Variants in PSMA5 observed in about 807,000 individuals in gnomAD.
PSMA5 encodes proteasome 20S subunit alpha 5, also known as proteasome subunit alpha type-5.
A neutral mutation model predicts 34.5 loss-of-function variants in PSMA5; 3 were observed. The ratio of observed to expected loss-of-function variants is 0.09; its 90% CI spans 0.04 to 0.22. The LOEUF is 0.22. Ranked by LOEUF, PSMA5 falls within the 10% of genes least tolerant of loss-of-function variation. The pLI, the probability that PSMA5 is intolerant of heterozygous loss-of-function variation, is 1.00. For missense variants in PSMA5, 120 were observed against 286.1 expected (o/e 0.42, Z 4.19); for synonymous variants, 88 against 95.8 (o/e 0.92, Z 0.47).
At chr1:109,412,298 GT>G in intron 4 of PSMA5, 114 bp from the exon 5 acceptor site, 1 of 849,704 alleles carries the variant, frequency 1.2e-6, no homozygotes, top group South Asian at 1.5e-5. Context: ...CTCAAATGTG[GT>G]TTTCTTAATT....
intron 6 of PSMA5, 58 bp from the exon 7 acceptor site, chr1:109,411,171 C>A (rs1653974102): frequency 2.5e-6 from 3 of 1,216,038 alleles, no homozygotes; most frequent in Admixed American, 1.9e-5. Context: ...CTTTATGTAA[C>A]AAACGTCTCA....
intron 1 of PSMA5, among the ~76,000 whole-genome samples, chr1:109,423,187 C>T (rs772923123): frequency 1.3e-5 from 2 of 152,212 alleles, no homozygotes; most frequent in African/African-American, 4.8e-5. Flanking sequence ...GCCTGTAATC[C>T]CAGCACGTTG....
At chr1:109,409,443 C>G (rs1247849631) in intron 8 of PSMA5, among the ~76,000 whole-genome samples, 1 of 152,236 alleles carries the variant, frequency 6.6e-6, no homozygotes, top group Admixed American at 6.5e-5. Flanking sequence ...AGGCGTGAGC[C>G]ACCTCGCCAG....
chr1:109,407,153 T>C (rs1039547512), intron 8 of PSMA5, among the ~76,000 whole-genome samples: 1 of 151,852 alleles, frequency 6.6e-6, no homozygotes, highest in African/African-American at 2.4e-5. Flanking sequence ...ACCCGGCTAA[T>C]TTTTTTTGTA....
Position 109,411,018 on chromosome 1 carries a change from T to C in PSMA5, c.554A>G (p.Tyr185Cys). Reference protein sequence around the residue: ...EGAQSSLQEVYHKSMTLKEAI... With the variant: ...EGAQSSLQEVCHKSMTLKEAI... Reference sequence around the variant, plus strand: ...GTGAGAATACTTAATTACCTTGTGGTAAACTTCTTGCAAGGAGCTCTGGGC... The same window carrying C: ...GTGAGAATACTTAATTACCTTGTGGCAAACTTCTTGCAAGGAGCTCTGGGC... Residue 185 changes from tyrosine (Y) to cysteine (C), a missense_variant, in exon 7 of 9, where the codon TAC becomes TGC. By Grantham distance (194) the Tyr-to-Cys change is radical. Transcript: ENST00000271308. 6.2e-7 allele frequency: 1 copy of C among 1,609,594 alleles called. No individual in the cohort carries two copies. Among genetic ancestry groups the C allele is most frequent in the Non-Finnish European group, 8.5e-7 (1 of 1,176,486 alleles).
At chr1:109,415,208 C>G in intron 3 of PSMA5, 29 bp downstream of exon 3, 1 of 1,604,774 alleles carries the variant, frequency 6.2e-7, no homozygotes, top group Non-Finnish European at 8.5e-7. Context: ...AGACCAGATC[C>G]TACAGAACAG....
intron 7 of PSMA5, among the ~76,000 whole-genome samples, chr1:109,410,410 C>T (rs1490022367): frequency 6.6e-6 from 1 of 152,162 alleles, no homozygotes; most frequent in Non-Finnish European, 1.5e-5. Context: ...CAAATTTACC[C>T]TGTTTTGTAC....
intron 3 of PSMA5, chr1:109,414,919 G>T: frequency 4.6e-6 from 1 of 217,850 alleles, no homozygotes; most frequent in Non-Finnish European, 9.0e-6. Context: ...AAACAAAGGA[G>T]GAAGACTGAT....
At chr1:109,411,980 T>A (rs1212978669) in intron 5 of PSMA5, 45 bp from the exon 6 acceptor site, 7 of 1,591,594 alleles carry the variant, frequency 4.4e-6, no homozygotes, top group Non-Finnish European at 6.0e-6. Context: ...GGCTATAAAG[T>A]AAGGAGGTGA....
intron 8 of PSMA5, among the ~76,000 whole-genome samples, chr1:109,403,473 A>AC (rs1205690962): frequency 8.2e-4 from 123 of 149,626 alleles, no homozygotes; most frequent in Middle Eastern, 3.4e-3. Flanking sequence ...AAAAAAAAAA[A>AC]CCCCAAAAAC....
intron 2 of PSMA5, among the ~76,000 whole-genome samples, chr1:109,417,509 T>G (rs990540611): frequency 6.6e-6 from 1 of 152,204 alleles, no homozygotes; most frequent in South Asian, 2.1e-4. Context: ...GCTAGACGAC[T>G]GCACCTCCCC....
In PSMA5 at chr1:109,421,927, CT is replaced by C; in HGVS notation, c.30-2del. The C allele has an allele frequency of 6.7e-7, 1 of 1,500,900 alleles. No individual in the cohort carries two copies. The allele number at this position is 1,500,900 out of a possible 1,614,324, so 93.0% of individuals were successfully genotyped here. ...TTCGGGAGAAAAAGTATTCACGCCC[CT>C]ATAATTTAAAAAAAAATTATTAATT... On this transcript the variant is annotated splice_acceptor_variant, in intron 1 of 8. Coordinates refer to ENST00000271308, the MANE Select transcript of PSMA5 (RefSeq NM_002790.4). LOFTEE classifies it high-confidence loss of function.
At position 109,412,204 on chromosome 1, in the gene PSMA5, T is replaced by C. The variant is rs762307756; in HGVS notation, c.292-20A>G. The C allele has an allele frequency of 7.6e-6, 12 of 1,581,966 alleles. No individual in the cohort carries two copies. Among genetic ancestry groups the C allele is most frequent in the Non-Finnish European group, 1.0e-5 (12 of 1,150,906 alleles). On this transcript the variant is annotated intron_variant, in intron 4 of 8. Coordinates refer to ENST00000271308, the MANE Select transcript of PSMA5 (RefSeq NM_002790.4). The stretch of plus-strand genomic sequence containing the variant: ...GTGGTTCTAGAAGAAGAGCAAAGCA[T>C]GGTACAACCTTCTAATAAGGACATT...
chr1:109,423,534 AC>A (rs1166292313), intron 1 of PSMA5, among the ~76,000 whole-genome samples: 1 of 152,138 alleles, frequency 6.6e-6, no homozygotes, highest in Non-Finnish European at 1.5e-5. Flanking sequence ...TTAACACTTA[AC>A]GTTTTCCAGT....
chr1:109,424,552 T>C (rs1341104030), intron 1 of PSMA5, among the ~76,000 whole-genome samples: 4 of 151,946 alleles, frequency 2.6e-5, no homozygotes, highest in Non-Finnish European at 5.9e-5. Context: ...CCAAGGCAGG[T>C]GGACCACGAG....
Position 109,400,488 on chromosome 1 carries a change from T to C in PSMA5, c.*1525A>G, listed in dbSNP as rs929472686. On this transcript the variant is annotated 3_prime_UTR_variant, in exon 9 of 9. Transcript: ENST00000271308. ...AATGAGATAGGATTTTCAAGGGTATTTTCTATTAGGATTTAATAAAACAAA... is the reference window on the plus strand; with the variant it reads ...AATGAGATAGGATTTTCAAGGGTATCTTCTATTAGGATTTAATAAAACAAA... The C allele has an allele frequency of 6.6e-6, 1 of 152,206 alleles. No individual in the cohort carries two copies. Among genetic ancestry groups the C allele is most frequent in the Admixed American group, 6.5e-5 (1 of 15,276 alleles). The allele number at this position is 152,206 out of a possible 1,614,324, so 9.4% of individuals were successfully genotyped here.
chr1:109,402,074 G>C lies in PSMA5; in HGVS notation c.665C>G (p.Pro222Arg). The C allele has an allele frequency of 6.2e-7, 1 of 1,612,708 alleles. No homozygotes were observed. The highest frequency in any genetic ancestry group is 8.5e-7 in the Non-Finnish European group (1 of 1,179,316). The change falls in exon 9 of 9, where the codon CCT becomes CGT. Residue 222 changes from proline to arginine, a missense_variant. Physicochemically the swap from Pro to Arg is moderately radical, Grantham distance 103. This residue lies in a region of PSMA5 where 83 missense variants were observed against 203.2 expected (regional missense o/e 0.41). Coordinates refer to ENST00000271308, the MANE Select transcript of PSMA5 (RefSeq NM_002790.4). ...ATNIELATVQPGQNFHMFTKE... is the reference protein window; with the variant it reads ...ATNIELATVQRGQNFHMFTKE... ...TGTGAACATGTGGAAATTCTGGCCAGGCTGCACTGTGGCTAGCTGGAAAGA... is the reference window on the plus strand; with the variant it reads ...TGTGAACATGTGGAAATTCTGGCCACGCTGCACTGTGGCTAGCTGGAAAGA...
At chr1:109,418,804 A>G (rs1274082961) in intron 2 of PSMA5, among the ~76,000 whole-genome samples, 17 of 152,226 alleles carry the variant, frequency 1.1e-4, no homozygotes, top group Non-Finnish European at 2.5e-4. Context: ...CATTTCATCC[A>G]TAAAACAAGA....
intron 6 of PSMA5, 142 bp downstream of exon 6, chr1:109,411,735 C>T (rs1188426488): frequency 5.1e-6 from 4 of 791,624 alleles, no homozygotes; most frequent in Non-Finnish European, 8.2e-6. Context: ...AAGAGATCCT[C>T]CTGCCTTAGC....
Sources: gnomAD v4.1 joint callset for allele counts (sites outside exome capture counted in the v4.1 genomes callset) on GRCh38, gnomAD v4.1.1 for gene constraint, gnomAD v4.1.1 regional missense constraint, MANE v1.5 for transcripts, NCBI Gene and HGNC (gene_info 2026-07-23, HGNC 2026-07-21) for gene names.